DYSF: variants seen among roughly 807,000 people sequenced by gnomAD.
The protein encoded by DYSF is dysferlin.
In DYSF, 212 loss-of-function variants were observed where a neutral mutation model predicts 274.9. The ratio of observed to expected loss-of-function variants is 0.77; its 90% CI spans 0.69 to 0.86. DYSF has a LOEUF of 0.86. Ranked by LOEUF, DYSF falls within the 40% of genes least tolerant of loss-of-function variation. The pLI is 0.00. For synonymous variants in DYSF, 1,091 were observed against 1,078.7 expected (o/e 1.01, Z -0.22); for missense variants, 2,666 against 2,783.2 (o/e 0.96, Z 0.95).
intron 11 of DYSF, among the ~76,000 whole-genome samples, chr2:71,520,527 C>G (rs1205776137): frequency 6.6e-6 from 1 of 152,236 alleles, no homozygotes; most frequent in African/African-American, 2.4e-5. Context: ...GGTTTCCATT[C>G]TGATCTGGTC....
At chr2:71,607,883 A>C (rs1220016081) in intron 36 of DYSF, among the ~76,000 whole-genome samples, 1 of 152,158 alleles carries the variant, frequency 6.6e-6, no homozygotes, top group Non-Finnish European at 1.5e-5. Flanking sequence ...CTAAGCAGTA[A>C]GATATTGGGG....
rs2080944093 is a variant in DYSF at position 71,454,016 on chromosome 2, C to T, written c.18C>T (p.Ile6=). ...CGCCAAGCATGCTGAGGGTCTTCATCCTCTATGCCGAGAACGTCCACACAC... is the reference window on the plus strand; with the variant it reads ...CGCCAAGCATGCTGAGGGTCTTCATTCTCTATGCCGAGAACGTCCACACAC... The change falls in exon 1 of 55, where the codon ATC becomes ATT. Residue 6 remains isoleucine, a synonymous_variant. Coordinates refer to the DYSF transcript ENST00000258104. 1 of 1,614,192 alleles carries T rather than the reference C, an allele frequency of 6.2e-7. No homozygotes were observed. Among genetic ancestry groups the T allele is most frequent in the African/African-American group, 1.3e-5 (1 of 75,070 alleles).
intron 21 of DYSF, among the ~76,000 whole-genome samples, chr2:71,554,764 G>C (rs1003275041): frequency 6.6e-6 from 1 of 152,216 alleles, no homozygotes; most frequent in Non-Finnish European, 1.5e-5. Flanking sequence ...TTTTGGAGGT[G>C]AGGAGGAGCC....
chr2:71,632,887 G>C (rs1266078589), intron 41 of DYSF, among the ~76,000 whole-genome samples: 1 of 152,208 alleles, frequency 6.6e-6, no homozygotes, highest in African/African-American at 2.4e-5. Context: ...CAGGCCAATA[G>C]TCAAGTGATC....
intron 35 of DYSF, 136 bp downstream of exon 35, chr2:71,601,664 G>A (rs1458904911): frequency 5.9e-6 from 7 of 1,181,938 alleles, no homozygotes; most frequent in Non-Finnish European, 8.7e-6. Context: ...CTTTCAAGCA[G>A]AGGAGGGCCC....
intron 7 of DYSF, among the ~76,000 whole-genome samples, 174 bp from the exon 8 acceptor site, chr2:71,515,449 C>T (rs897971298): frequency 9.9e-5 from 15 of 152,170 alleles, no homozygotes; most frequent in African/African-American, 3.6e-4. Context: ...ATGTAAGGGG[C>T]CTTGGTGGGA....
intron 40 of DYSF, 101 bp downstream of exon 40, chr2:71,613,511 T>G: frequency 1.9e-6 from 2 of 1,026,644 alleles, no homozygotes; most frequent in Non-Finnish European, 3.0e-6. Context: ...ACACAGCCTC[T>G]ATACACATCC....
At chr2:71,562,054 G>A in intron 23 of DYSF, 110 bp downstream of exon 23, 1 of 1,442,908 alleles carries the variant, frequency 6.9e-7, no homozygotes, top group Non-Finnish European at 9.5e-7. Flanking sequence ...CGGTTCCATT[G>A]CTGGGTGACC....
At chr2:71,592,751 TC>T (rs1445550967) in intron 32 of DYSF, among the ~76,000 whole-genome samples, 2 of 152,170 alleles carry the variant, frequency 1.3e-5, no homozygotes, top group African/African-American at 4.8e-5. Context: ...TCTGGGCCTT[TC>T]CCCGGGGGCT....
chr2:71,491,828 G>A (rs1319084413), intron 3 of DYSF, among the ~76,000 whole-genome samples: 1 of 152,158 alleles, frequency 6.6e-6, no homozygotes, highest in Non-Finnish European at 1.5e-5. Flanking sequence ...GGGCATTTAG[G>A]TTGATTCTAT....
chr2:71,656,786 A>T (rs1193811058), intron 43 of DYSF, among the ~76,000 whole-genome samples: 1 of 152,104 alleles, frequency 6.6e-6, no homozygotes, highest in Non-Finnish European at 1.5e-5. Flanking sequence ...CCACCACGAG[A>T]ATAGCACGAG....
At chr2:71,640,064 G>A (rs1468636916) in intron 41 of DYSF, among the ~76,000 whole-genome samples, 1 of 152,182 alleles carries the variant, frequency 6.6e-6, no homozygotes, top group East Asian at 1.9e-4. Context: ...GAGAGGTTAA[G>A]TAGTGACCCA....
At chr2:71,649,333 CAT>C (rs1315404973) in intron 42 of DYSF, among the ~76,000 whole-genome samples, 1 of 151,988 alleles carries the variant, frequency 6.6e-6, no homozygotes, top group African/African-American at 2.4e-5. Flanking sequence ...CAATGATTGA[CAT>C]ATGATAAAAT....
intron 43 of DYSF, among the ~76,000 whole-genome samples, chr2:71,657,582 A>T (rs1030600218): frequency 6.6e-6 from 1 of 152,188 alleles, no homozygotes; most frequent in African/African-American, 2.4e-5. Flanking sequence ...CTGGGCATCC[A>T]GGTGTTTCCA....
intron 55 of DYSF, among the ~76,000 whole-genome samples, chr2:71,685,723 A>G (rs949737011): frequency 6.6e-6 from 1 of 151,986 alleles, no homozygotes; most frequent in East Asian, 1.9e-4. Context: ...GGGAGGCAGG[A>G]GGCGTTTGGC....
At chr2:71,680,967 C>A in intron 53 of DYSF, 34 bp from the exon 54 acceptor site, 1 of 1,596,854 alleles carries the variant, frequency 6.3e-7, no homozygotes, top group Non-Finnish European at 8.6e-7. Flanking sequence ...GCAGAGCCTT[C>A]GTGCCCCTAA....
intron 13 of DYSF, among the ~76,000 whole-genome samples, chr2:71,526,935 T>A (rs912378413): frequency 6.6e-6 from 1 of 152,234 alleles, no homozygotes; most frequent in African/African-American, 2.4e-5. Context: ...CTTGCAACCA[T>A]CTCTTCCTCC....
chr2:71,620,432 C>A, intron 40 of DYSF, 115 bp from the exon 41 acceptor site: 1 of 1,101,680 alleles, frequency 9.1e-7, no homozygotes, highest in Non-Finnish European at 1.4e-6. Flanking sequence ...ACATGTTCTC[C>A]CTGGAGGAAG....
At chr2:71,674,170 T>C (rs1573137054) in intron 51 of DYSF, 27 bp from the exon 52 acceptor site, 1 of 1,609,352 alleles carries the variant, frequency 6.2e-7, no homozygotes, top group African/African-American at 1.3e-5. Flanking sequence ...CTTCCTTGCA[T>C]CCTTCTCTGT....
Sources: gnomAD v4.1 joint callset for allele counts (sites outside exome capture counted in the v4.1 genomes callset) on GRCh38, gnomAD v4.1.1 for gene constraint, MANE v1.5 for transcripts, NCBI Gene and HGNC (gene_info 2026-07-23, HGNC 2026-07-21) for gene names.